NRXN3: variants seen among roughly 807,000 people sequenced by gnomAD.
NRXN3 encodes neurexin 3.
Under a neutral mutation model 137.6 loss-of-function variants are expected in NRXN3, and 32 were observed. The ratio of observed to expected loss-of-function variants is 0.23; its 90% CI spans 0.18 to 0.31. The LOEUF (loss-of-function observed/expected upper bound fraction) is 0.31, where lower values mean the gene tolerates loss of function less well. NRXN3 is among the 10% of genes least tolerant of loss of function. The pLI, the probability that NRXN3 is intolerant of heterozygous loss-of-function variation, is 1.00. For missense variants in NRXN3, 1,574 were observed against 2,062.5 expected (o/e 0.76, Z 4.59); for synonymous variants, 798 against 784.5 (o/e 1.02, Z -0.29).
chr14:79,054,735 C>A (rs936101538), intron 15 of NRXN3, among the ~76,000 whole-genome samples: 3 of 152,100 alleles, frequency 2.0e-5, no homozygotes, highest in Non-Finnish European at 4.4e-5. Flanking sequence ...CTTTAAGAAT[C>A]CTAGGCCAGT....
At chr14:78,668,706 G>A (rs1158237406) in intron 6 of NRXN3, among the ~76,000 whole-genome samples, 2 of 152,150 alleles carry the variant, frequency 1.3e-5, no homozygotes, top group Non-Finnish European at 2.9e-5. Flanking sequence ...GGTTTAATGA[G>A]CCATATGGTC....
intron 8 of NRXN3, among the ~76,000 whole-genome samples, chr14:78,725,304 A>G (rs1375237751): frequency 6.6e-6 from 1 of 152,218 alleles, no homozygotes; most frequent in African/African-American, 2.4e-5. Flanking sequence ...CACATTGTTT[A>G]TCTCCATCAG....
chr14:79,551,361 A>C (rs1302340058), intron 16 of NRXN3, among the ~76,000 whole-genome samples: 2 of 152,178 alleles, frequency 1.3e-5, no homozygotes, highest in East Asian at 3.9e-4. Context: ...TAGTAAAAAC[A>C]ACAAATCTAA....
At chr14:79,690,511 A>G (rs1278058105) in intron 17 of NRXN3, among the ~76,000 whole-genome samples, 1 of 152,100 alleles carries the variant, frequency 6.6e-6, no homozygotes, top group East Asian at 1.9e-4. Flanking sequence ...TTATTTTTCA[A>G]TACATTAATA....
At chr14:79,273,533 C>T (rs1358271598) in intron 15 of NRXN3, among the ~76,000 whole-genome samples, 3 of 151,634 alleles carry the variant, frequency 2.0e-5, no homozygotes, top group African/African-American at 7.3e-5. Context: ...ACTTGGAAGG[C>T]TGAGGCAGGA....
At chr14:78,816,503 G>A (rs752072521) in intron 10 of NRXN3, among the ~76,000 whole-genome samples, 30 of 151,804 alleles carry the variant, frequency 2.0e-4, no homozygotes, top group African/African-American at 3.4e-4. Flanking sequence ...ATTTTATTCC[G>A]TCTAATAGCC....
intron 4 of NRXN3, 137 bp downstream of exon 4, chr14:78,297,997 G>GGTGGTCCTGC: frequency 1.0e-5 from 10 of 976,516 alleles, no homozygotes; most frequent in Non-Finnish European, 1.2e-5. Flanking sequence ...CTGGCTGCAG[G>GGTGGTCCTGC]ACCACCCTGC....
intron 15 of NRXN3, among the ~76,000 whole-genome samples, chr14:79,102,107 G>A (rs571731271): frequency 6.6e-6 from 1 of 152,206 alleles, no homozygotes; most frequent in African/African-American, 2.4e-5. Flanking sequence ...GAGACTTCTG[G>A]TCTCCAGAAC....
intron 15 of NRXN3, among the ~76,000 whole-genome samples, chr14:79,081,368 C>A (rs920192797): frequency 3.9e-5 from 6 of 152,150 alleles, no homozygotes; most frequent in African/African-American, 1.4e-4. Flanking sequence ...GTAATCCCAA[C>A]TCTTTGGGAG....
intron 19 of NRXN3, among the ~76,000 whole-genome samples, chr14:79,759,902 T>C (rs1316032283): frequency 6.6e-6 from 1 of 151,616 alleles, no homozygotes; most frequent in East Asian, 1.9e-4. Flanking sequence ...GAAGACAAGA[T>C]CTGTCTGTAT....
Position 78,967,266 on chromosome 14 carries a change from G to T in NRXN3, c.2836G>T (p.Asp946Tyr), listed in dbSNP as rs1315953642. The T allele has an allele frequency of 1.9e-6, 3 of 1,612,866 alleles. No individual in the cohort carries two copies. The highest frequency in any genetic ancestry group is 1.7e-6 in the Non-Finnish European group (2 of 1,179,792). ...TCCCAATGTGATCAAAGGCAACAGTGACCGCCCCCTGAATGACAACCAGTG... is the reference window on the plus strand; with the variant it reads ...TCCCAATGTGATCAAAGGCAACAGTTACCGCCCCCTGAATGACAACCAGTG... ...NGPNVIKGNSDRPLNDNQWHN... is the reference protein window; with the variant it reads ...NGPNVIKGNSYRPLNDNQWHN... The change falls in exon 13 of 21, where the codon GAC (aspartate) becomes TAC (tyrosine). Residue 946 changes from aspartate to tyrosine, a missense_variant. Physicochemically the swap from Asp to Tyr is radical, Grantham distance 160. Around this residue, in one of 5 missense-constraint regions of NRXN3, gnomAD observed 718 missense variants for 887.6 expected, o/e 0.81. Transcript: ENST00000335750.
chr14:79,086,476 A>G (rs1342695752), intron 15 of NRXN3, among the ~76,000 whole-genome samples: 2 of 152,156 alleles, frequency 1.3e-5, no homozygotes, highest in South Asian at 2.1e-4. Flanking sequence ...AGGGGATAGC[A>G]TAGAGTAATA....
intron 15 of NRXN3, among the ~76,000 whole-genome samples, chr14:79,301,730 G>GGT (rs112815653): frequency 7.2e-4 from 108 of 150,748 alleles, no homozygotes; most frequent in East Asian, 2.9e-3. Flanking sequence ...GTATTTGTGG[G>GGT]GTGTGTGTGT....
intron 10 of NRXN3, among the ~76,000 whole-genome samples, chr14:78,845,144 GAAT>G (rs2152459966): frequency 6.6e-6 from 1 of 152,050 alleles, no homozygotes; most frequent in South Asian, 2.1e-4. Context: ...ACATTTTACA[GAAT>G]TATTGTTTGA....
At chr14:79,288,383 T>C (rs1337634292) in intron 15 of NRXN3, among the ~76,000 whole-genome samples, 5 of 152,218 alleles carry the variant, frequency 3.3e-5, no homozygotes, top group African/African-American at 1.2e-4. Context: ...GGAAATGGTT[T>C]ATTTCTATTT....
chr14:78,656,756 T>G (rs1195028935), intron 6 of NRXN3, among the ~76,000 whole-genome samples: 1 of 152,044 alleles, frequency 6.6e-6, no homozygotes, highest in Non-Finnish European at 1.5e-5. Flanking sequence ...GAAATGGTGG[T>G]CCCTCGGCCG....
chr14:79,859,179 C>T (rs2099409294), intron 20 of NRXN3, among the ~76,000 whole-genome samples: 1 of 152,048 alleles, frequency 6.6e-6, no homozygotes, highest in African/African-American at 2.4e-5. Context: ...GTAAAATTAT[C>T]ACATAGGCCA....
Position 78,309,228 on chromosome 14 carries a change from G to A in NRXN3, c.757+11368G>A, listed in dbSNP as rs771859633. On this transcript the variant is annotated intron_variant, in intron 4 of 20. Transcript: ENST00000335750. ...AAGTTTTGTCATCTTGTAGAACCTC[G>A]TATTATATAGCACGTTCAGCCAGAT... Among the ~76,000 whole-genome samples, 2 of 151,798 alleles carry A rather than the reference G, an allele frequency of 1.3e-5. 1 individual carries two copies. Among genetic ancestry groups the A allele is most frequent in the South Asian group, 4.2e-4 (2 of 4,818 alleles).
At position 78,957,225 on chromosome 14, in the gene NRXN3, C is replaced by T. The variant is rs1323839558; in HGVS notation, c.2276-17C>T. On this transcript the variant is annotated splice_polypyrimidine_tract_variant and intron_variant, in intron 10 of 20. Transcript: ENST00000335750. Reference sequence around the variant, plus strand: ...TTCAGAATTGATTCTAACTTTGGCACTTACTACCATCCTTAGGCAAAGGAC... The same window carrying T: ...TTCAGAATTGATTCTAACTTTGGCATTTACTACCATCCTTAGGCAAAGGAC... 3.1e-6 allele frequency: 5 copies of T among 1,612,626 alleles called. No individual in the cohort carries two copies. Among genetic ancestry groups the T allele is most frequent in the Admixed American group, 1.7e-5 (1 of 59,826 alleles).
Sources: gnomAD v4.1 joint callset for allele counts (sites outside exome capture counted in the v4.1 genomes callset) on GRCh38, gnomAD v4.1.1 for gene constraint, gnomAD v4.1.1 regional missense constraint, MANE v1.5 for transcripts, NCBI Gene and HGNC (gene_info 2026-07-23, HGNC 2026-07-21) for gene names.